Variants in ATG10 observed in about 807,000 individuals in gnomAD.
The protein encoded by ATG10 is ubiquitin-like-conjugating enzyme ATG10.
A neutral mutation model predicts 32.1 loss-of-function variants in ATG10; 30 were observed. That is an observed-to-expected ratio of 0.94 (90% CI 0.70 to 1.27). The LOEUF is 1.27. Ranked by LOEUF, ATG10 falls within the 50% of genes most tolerant of loss-of-function variation. The pLI is 0.00. For synonymous variants in ATG10, 87 were observed against 91.5 expected (o/e 0.95, Z 0.28); for missense variants, 233 against 262.3 (o/e 0.89, Z 0.77).
At chr5:82,034,698 G>C (rs1425383407) in intron 2 of ATG10, among the ~76,000 whole-genome samples, 1 of 151,850 alleles carries the variant, frequency 6.6e-6, no homozygotes, top group East Asian at 1.9e-4. Flanking sequence ...TAATATCCCT[G>C]CTGTTTCTGT....
intron 2 of ATG10, among the ~76,000 whole-genome samples, chr5:82,036,931 G>A (rs1055877546): frequency 5.9e-5 from 9 of 151,648 alleles, no homozygotes; most frequent in Non-Finnish European, 1.3e-4. Flanking sequence ...AAGAGATCGA[G>A]ACCATCCTGG....
At chr5:82,197,514 A>G (rs527474990) in intron 5 of ATG10, among the ~76,000 whole-genome samples, 1 of 151,638 alleles carries the variant, frequency 6.6e-6, no homozygotes, top group South Asian at 2.1e-4. Context: ...CTATCTACCT[A>G]TCTGTCTGTC....
At chr5:82,141,838 A>G (rs1405404213) in intron 3 of ATG10, among the ~76,000 whole-genome samples, 1 of 151,808 alleles carries the variant, frequency 6.6e-6, no homozygotes, top group African/African-American at 2.4e-5. Context: ...ACCCATACCC[A>G]TAAGGCTGTT....
chr5:82,049,560 TAA>T lies in ATG10; in HGVS notation c.109-8925_109-8924del, dbSNP rs889716776. ...AAACTTAAAGTATAATAATAATAAA[TAA>T]AAAAAAAAAGAAAACTAACTTCTTA... On this transcript the variant is annotated intron_variant, in intron 2 of 7. Coordinates refer to ENST00000282185, the MANE Select transcript of ATG10 (RefSeq NM_031482.5). Among the ~76,000 whole-genome samples, 695 of 141,212 alleles carry T rather than the reference TAA, an allele frequency of 4.9e-3. 3 individuals are homozygous for T. Among genetic ancestry groups the T allele is most frequent in the Non-Finnish European group, 7.8e-3 (504 of 64,262 alleles). 92.6% of individuals were successfully genotyped at this position (141,212 alleles called of 152,430 possible).
Position 82,061,818 on chromosome 5 carries a change from C to CTTTT in ATG10, c.216+3237_216+3240dup, listed in dbSNP as rs11459926. 3.7e-4 allele frequency among the ~76,000 whole-genome samples: 30 copies of CTTTT among 80,936 alleles called. 1 individual carries two copies. The highest frequency in any genetic ancestry group is 6.6e-4 in the Admixed American group (3 of 4,568). The allele number at this position is 80,936 out of a possible 152,430, so 53.1% of individuals were successfully genotyped here. On this transcript the variant is annotated intron_variant, in intron 3 of 7. Transcript: ENST00000282185. ...CGTATACATACATATACACACATAC[C>CTTTT]TTTTTTTTTTTTTTTTTTTTTTTTA...
chr5:82,037,129 CAAAAAAAA>C (rs1159037400), intron 2 of ATG10, among the ~76,000 whole-genome samples: 1 of 25,800 alleles, frequency 3.9e-5, no homozygotes, highest in Non-Finnish European at 7.3e-5. Flanking sequence ...GACTCTGTCT[CAAAAAAAA>C]AAAAAAAAAA....
At chr5:82,149,278 A>G (rs1369766545) in intron 3 of ATG10, among the ~76,000 whole-genome samples, 1 of 151,818 alleles carries the variant, frequency 6.6e-6, no homozygotes, top group East Asian at 1.9e-4. Context: ...CCCAGTGGTA[A>G]GCTGTTTACT....
intron 5 of ATG10, among the ~76,000 whole-genome samples, chr5:82,230,079 G>A (rs1227753039): frequency 6.6e-6 from 1 of 152,200 alleles, no homozygotes; most frequent in African/African-American, 2.4e-5. Context: ...CCCTTTGCAT[G>A]TTCTCTTGCA....
intron 4 of ATG10, among the ~76,000 whole-genome samples, chr5:82,174,091 A>G (rs1385303894): frequency 6.6e-5 from 10 of 152,140 alleles, no homozygotes; most frequent in African/African-American, 2.4e-4. Context: ...ATTTGAATGC[A>G]TTTTAGATAT....
At chr5:82,086,682 A>G (rs963308336) in intron 3 of ATG10, among the ~76,000 whole-genome samples, 3 of 152,192 alleles carry the variant, frequency 2.0e-5, no homozygotes, top group Non-Finnish European at 4.4e-5. Context: ...CTCTTGGTCA[A>G]AGTGAGTCTC....
chr5:82,213,830 C>A (rs912039955), intron 5 of ATG10, among the ~76,000 whole-genome samples: 2 of 152,204 alleles, frequency 1.3e-5, no homozygotes, highest in African/African-American at 4.8e-5. Flanking sequence ...TATGGGAGCA[C>A]TGCCTAAGTC....
Position 82,135,260 on chromosome 5 carries a change from G to C in ATG10, c.217-29139G>C, listed in dbSNP as rs539710667. ...TCTGATCTTAGTTACTTCTTGTCTT[G>C]TGCTAGCTTTTGAATTTGTTTTCTC... On this transcript the variant is annotated intron_variant, in intron 3 of 7. Coordinates refer to ENST00000282185, the MANE Select transcript of ATG10 (RefSeq NM_031482.5). Among the ~76,000 whole-genome samples, 76 of 152,006 alleles carry C rather than the reference G, an allele frequency of 5.0e-4. No homozygotes were observed. The Middle Eastern group carries it at 0.01, about 20-fold the overall frequency.
At chr5:82,146,640 G>A (rs1440487340) in intron 3 of ATG10, among the ~76,000 whole-genome samples, 2 of 147,550 alleles carry the variant, frequency 1.4e-5, no homozygotes, top group Non-Finnish European at 3.0e-5. Flanking sequence ...TCTTCAGATT[G>A]GACGACTTCA....
At position 82,103,226 on chromosome 5, in the gene ATG10, G is replaced by A. The variant is rs181204980; in HGVS notation, c.216+44624G>A. Reference sequence around the variant, plus strand: ...AAATTAAATTTAATAAATATGTTTTGATCTTTTTCTGTGTTCTTGGTCTAG... The same window carrying A: ...AAATTAAATTTAATAAATATGTTTTAATCTTTTTCTGTGTTCTTGGTCTAG... On this transcript the variant is annotated intron_variant, in intron 3 of 7. Coordinates refer to ENST00000282185, the MANE Select transcript of ATG10 (RefSeq NM_031482.5). 1.8e-3 allele frequency among the ~76,000 whole-genome samples: 268 copies of A among 152,168 alleles called. 3 individuals are homozygous for A. The highest frequency in any genetic ancestry group is 6.2e-3 in the African/African-American group (258 of 41,516).
intron 2 of ATG10, among the ~76,000 whole-genome samples, chr5:82,030,846 G>A (rs184078530): frequency 1.2e-4 from 18 of 152,124 alleles, no homozygotes; most frequent in African/African-American, 4.3e-4. Context: ...TTACTGTTAA[G>A]CAAGAGCTCC....
Position 82,033,339 on chromosome 5 carries a change from CT to C in ATG10, c.109-25141del, listed in dbSNP as rs531673501. Reference sequence around the variant, plus strand: ...CAATTATTGCTCCTTTCTTCTTCTTCTTTTTTTTTTTTTTTGAGTCAGAGTT... The same window carrying C: ...CAATTATTGCTCCTTTCTTCTTCTTCTTTTTTTTTTTTTTGAGTCAGAGTT... On this transcript the variant is annotated intron_variant, in intron 2 of 7. Transcript: ENST00000282185. 3.1e-3 allele frequency among the ~76,000 whole-genome samples: 429 copies of C among 138,338 alleles called. 1 individual carries two copies. Among genetic ancestry groups the C allele is most frequent in the Middle Eastern group, 3.9e-3 (1 of 258 alleles). The allele number at this position is 138,338 out of a possible 152,430, so 90.8% of individuals were successfully genotyped here.
intron 3 of ATG10, among the ~76,000 whole-genome samples, chr5:82,075,880 A>G (rs774510315): frequency 6.6e-6 from 1 of 152,174 alleles, no homozygotes; most frequent in Non-Finnish European, 1.5e-5. Context: ...CATTGCAGTG[A>G]GCTGAGATCA....
intron 3 of ATG10, among the ~76,000 whole-genome samples, chr5:82,133,440 A>G (rs575521166): frequency 4.2e-4 from 64 of 152,228 alleles, no homozygotes; most frequent in African/African-American, 1.1e-3. Flanking sequence ...TTTTCTGCAT[A>G]TGGCTAGCCA....
chr5:82,076,542 G>A (rs1315384126), intron 3 of ATG10, among the ~76,000 whole-genome samples: 6 of 152,130 alleles, frequency 3.9e-5, no homozygotes, highest in Non-Finnish European at 7.4e-5. Context: ...TAGTTCTTGT[G>A]TTGTGAGTGT....
Sources: allele counts gnomAD v4.1 joint callset (sites outside exome capture counted in the v4.1 genomes callset), GRCh38; gene constraint gnomAD v4.1.1; transcripts MANE v1.5; gene names NCBI Gene and HGNC (gene_info 2026-07-23, HGNC 2026-07-21).